The following PDZK1 variants were observed in gnomAD, a reference collection of about 807,000 sequenced individuals.
PDZK1 encodes Na(+)/H(+) exchange regulatory cofactor NHE-RF3.
A neutral mutation model predicts 38.1 loss-of-function variants in PDZK1; 23 were observed. The ratio of observed to expected loss-of-function variants is 0.60; its 90% CI spans 0.43 to 0.85. The LOEUF is 0.85. PDZK1 is among the 40% of genes least tolerant of loss of function. PDZK1 has a pLI of 0.00. For missense variants in PDZK1, 297 were observed against 504.3 expected (o/e 0.59, Z 3.94); for synonymous variants, 98 against 186.2 (o/e 0.53, Z 3.86).
chr1:145,693,519 A>T (rs1323985209), intron 1 of PDZK1, among the ~76,000 whole-genome samples: 2 of 150,440 alleles, frequency 1.3e-5, no homozygotes, highest in African/African-American at 2.5e-5. Flanking sequence ...CTGTAATCTC[A>T]GCACTTTGGG....
chr1:145,706,084 T>A (rs1656229853), intron 1 of PDZK1, among the ~76,000 whole-genome samples: 1 of 152,182 alleles, frequency 6.6e-6, no homozygotes, highest in South Asian at 2.1e-4. Context: ...TTATTTTCAG[T>A]ACACTCTTGG....
intron 6 of PDZK1, among the ~76,000 whole-genome samples, chr1:145,677,481 A>G (rs1553699488): frequency 6.6e-6 from 1 of 151,146 alleles, no homozygotes; most frequent in African/African-American, 2.5e-5. Flanking sequence ...ATTCAGGTTG[A>G]TATCAAGTAT....
rs2624703 is a variant in PDZK1 at position 145,686,504 on chromosome 1, A to G, written c.433T>C (p.Tyr145His). The G allele has an allele frequency of 1.9e-6, 3 of 1,611,874 alleles. 1 individual carries two copies. Among genetic ancestry groups the G allele is most frequent in the South Asian group, 2.2e-5 (2 of 90,990 alleles). ...LCYLVKEGGS[Y>H]GFSLKTVQGK... ...TGGACAGTTTTCAGAGAGAAGCCATAGCTGCCTCCTTCCTTCACGAGATAG... is the reference window on the plus strand; with the variant it reads ...TGGACAGTTTTCAGAGAGAAGCCATGGCTGCCTCCTTCCTTCACGAGATAG... The change falls in exon 3 of 9, where the codon TAT (tyrosine) becomes CAT (histidine). Residue 145 changes from tyrosine (Y) to histidine (H), a missense_variant. Physicochemically the swap from Tyr to His is moderately conservative, Grantham distance 83. Coordinates refer to ENST00000417171, the MANE Select transcript of PDZK1 (RefSeq NM_001201325.2).
chr1:145,705,378 A>G (rs1656189983), intron 1 of PDZK1, among the ~76,000 whole-genome samples: 1 of 152,200 alleles, frequency 6.6e-6, no homozygotes, highest in African/African-American at 2.4e-5. Context: ...GATGTGAGCC[A>G]CTGCACCCAG....
chr1:145,681,540 G>A lies in PDZK1; in HGVS notation c.598-433C>T, dbSNP rs587595375. ...CCTGACCTCGTGATCCACCCGCCTC[G>A]GCCTCCCAAAGTGCTGGGATTACAG... is the stretch of plus-strand genomic sequence containing the variant. On this transcript the variant is annotated intron_variant, in intron 4 of 8. Coordinates refer to ENST00000417171, the MANE Select transcript of PDZK1 (RefSeq NM_001201325.2). Among the ~76,000 whole-genome samples the A allele has an allele frequency of 1.5e-3, 216 of 147,438 alleles. 2 individuals carry two copies. The highest frequency in any genetic ancestry group is 0.013 in the Admixed American group (195 of 14,984).
intron 1 of PDZK1, among the ~76,000 whole-genome samples, chr1:145,701,041 C>T (rs1047799218): frequency 2.6e-5 from 4 of 151,932 alleles, no homozygotes; most frequent in Admixed American, 2.0e-4. Flanking sequence ...CCCGTCTCTA[C>T]TAAAAATACA....
At position 145,697,763 on chromosome 1, in the gene PDZK1, A is replaced by ATTTTTT. The variant is rs10564713; in HGVS notation, c.-3+9548_-3+9553dup. On this transcript the variant is annotated intron_variant, in intron 1 of 8. Transcript: ENST00000417171. ...AGGCACCCGCCACCATGCCCAGCTAATTTTTTTTTTTTTTTTTTTTTTTTT... is the reference window on the plus strand; with the variant it reads ...AGGCACCCGCCACCATGCCCAGCTAATTTTTTTTTTTTTTTTTTTTTTTTTTTTTTT... Among the ~76,000 whole-genome samples the ATTTTTT allele has an allele frequency of 2.4e-4, 11 of 44,978 alleles. 1 individual carries two copies. The highest frequency in any genetic ancestry group is 8.8e-4 in the African/African-American group (9 of 10,196). The allele number at this position is 44,978 out of a possible 152,430, so 29.5% of individuals were successfully genotyped here.
At chr1:145,687,367 A>G (rs1189838478) in intron 2 of PDZK1, among the ~76,000 whole-genome samples, 29 of 150,888 alleles carry the variant, frequency 1.9e-4, no homozygotes, top group Non-Finnish European at 1.5e-4. Context: ...AAAATACAAA[A>G]AAAAAAAAAA....
In PDZK1 at chr1:145,686,565, A is replaced by G. The variant is rs781793488; in HGVS notation, c.372T>C (p.Asn124=). ...GCTGGGTCCAAGTTTGCACACCTCC[A>G]TTCATCACAGGGGAAAGTATATTAT... ...LSDNILSPVM[N]GGVQTWTQPR... The change falls in exon 3 of 9, where the codon AAT becomes AAC. Residue 124 remains asparagine, a synonymous_variant. Transcript: ENST00000417171. The G allele has an allele frequency of 3.7e-6, 6 of 1,611,094 alleles. No homozygotes were observed. The Admixed American group carries it at 8.3e-5, about 22-fold the overall frequency.
At chr1:145,676,679 T>G (rs1308320252) in intron 6 of PDZK1, among the ~76,000 whole-genome samples, 1 of 143,238 alleles carries the variant, frequency 7.0e-6, no homozygotes, top group Non-Finnish European at 1.5e-5. Context: ...TGAGCTGAGA[T>G]GGCACCACTG....
chr1:145,687,569 T>G (rs1310863861), intron 2 of PDZK1, among the ~76,000 whole-genome samples: 1 of 148,530 alleles, frequency 6.7e-6, no homozygotes, highest in Non-Finnish European at 1.5e-5. Context: ...ATTTTTGGTA[T>G]ATAGTGAACA....
rs782709762 is a variant in PDZK1 at position 145,687,949 on chromosome 1, G to A, written c.73C>T (p.Arg25Ter). 7.4e-6 allele frequency: 12 copies of A among 1,611,850 alleles called. No individual in the cohort carries two copies. Among genetic ancestry groups the A allele is most frequent in the South Asian group, 5.5e-5 (5 of 90,914 alleles). Residue 25 changes from arginine to a stop codon, truncating the protein, a stop_gained, in exon 2 of 9, where the codon CGA becomes TGA. Coordinates refer to ENST00000417171, the MANE Select transcript of PDZK1 (RefSeq NM_001201325.2). LOFTEE classifies it high-confidence loss of function. ...QEGQNYGFFL[R>*]IEKDTEGHLV... ...TGGCCCTCGGTGTCCTTCTCAATTC[G>A]CAGGAAGAAGCCATAGTTTTGCCCT...
intron 7 of PDZK1, among the ~76,000 whole-genome samples, chr1:145,673,247 A>G (rs1653273508): frequency 6.6e-6 from 1 of 152,214 alleles, no homozygotes; most frequent in African/African-American, 2.4e-5. Flanking sequence ...GTTCAGCATC[A>G]TATGTCTTCT....
chr1:145,687,283 G>T lies in PDZK1; in HGVS notation c.210+529C>A, dbSNP rs587730124. The stretch of plus-strand genomic sequence containing the variant: ...GCCTGTAATCACTGCACTTTGGGAG[G>T]CCGAAGCGGGCGGATCACGAGGTCA... On this transcript the variant is annotated intron_variant, in intron 2 of 8. Coordinates refer to ENST00000417171, the MANE Select transcript of PDZK1 (RefSeq NM_001201325.2). Among the ~76,000 whole-genome samples the T allele has an allele frequency of 2.6e-5, 4 of 151,696 alleles. 1 individual carries two copies. The East Asian group carries it at 7.8e-4, about 29-fold the overall frequency.
At chr1:145,676,027 A>AAAT (rs1559060794) in intron 6 of PDZK1, 2 of 188,574 alleles carry the variant, frequency 1.1e-5, no homozygotes, top group African/African-American at 4.8e-5. Context: ...CAAAAAAAAA[A>AAAT]AATGAGATTT....
chr1:145,699,874 C>T (rs1448076158), intron 1 of PDZK1, among the ~76,000 whole-genome samples: 1 of 152,092 alleles, frequency 6.6e-6, no homozygotes, highest in Non-Finnish European at 1.5e-5. Context: ...TAATTTTGAG[C>T]TGAAGATAGA....
At chr1:145,702,487 C>A (rs72993559) in intron 1 of PDZK1, among the ~76,000 whole-genome samples, 1 of 152,002 alleles carries the variant, frequency 6.6e-6, no homozygotes, top group Non-Finnish European at 1.5e-5. Context: ...TCTACCCCCC[C>A]ACTTTTTTTT....
intron 1 of PDZK1, among the ~76,000 whole-genome samples, chr1:145,701,275 G>A (rs1294992778): frequency 6.6e-6 from 1 of 150,954 alleles, no homozygotes; most frequent in Non-Finnish European, 1.5e-5. Context: ...GACTGTGGAA[G>A]GGTATCTGAT....
chr1:145,706,044 A>G (rs1656227308), intron 1 of PDZK1, among the ~76,000 whole-genome samples: 2 of 152,178 alleles, frequency 1.3e-5, no homozygotes, highest in Non-Finnish European at 2.9e-5. Flanking sequence ...ATGAGCCACC[A>G]TGCAGGACCA....
Sources: allele counts gnomAD v4.1 joint callset (sites outside exome capture counted in the v4.1 genomes callset), GRCh38; gene constraint gnomAD v4.1.1; transcripts MANE v1.5; gene names NCBI Gene and HGNC (gene_info 2026-07-23, HGNC 2026-07-21).